Variants in UNC13C observed in about 807,000 individuals in gnomAD.
UNC13C encodes protein unc-13 homolog C.
A neutral mutation model predicts 245.4 loss-of-function variants in UNC13C; 174 were observed. The ratio of observed to expected loss-of-function variants is 0.71; its 90% CI spans 0.63 to 0.80. UNC13C has a LOEUF of 0.80. Ranked by LOEUF, UNC13C falls within the 30% of genes least tolerant of loss-of-function variation. The pLI is 0.00. For synonymous variants in UNC13C, 992 were observed against 895.1 expected, an observed-to-expected ratio of 1.11 and a Z score of -1.93; for missense variants, 2,829 against 2,602.9, an observed-to-expected ratio of 1.09 and a Z score of -1.89.
At chr15:54,193,881 T>A (rs548246045) in intron 4 of UNC13C, among the ~76,000 whole-genome samples, 1 of 152,238 alleles carries the variant, frequency 6.6e-6, no homozygotes, top group African/African-American at 2.4e-5. Flanking sequence ...ATTTTCAAAG[T>A]GACATCTGAA....
the UNC13C span, among the ~76,000 whole-genome samples, chr15:53,924,231 A>C: frequency 7.0e-6 from 1 of 143,186 alleles, no homozygotes. Flanking sequence ...AACAAACAAA[A>C]AACAAAAACA....
chr15:54,545,038 C>T (rs1490735473), intron 26 of UNC13C, among the ~76,000 whole-genome samples: 1 of 152,286 alleles, frequency 6.6e-6, no homozygotes, highest in East Asian at 1.9e-4. Context: ...TGCTACCTGA[C>T]TTCAAACTAA....
At chr15:54,127,850 G>C (rs2141208118) in intron 2 of UNC13C, among the ~76,000 whole-genome samples, 1 of 149,104 alleles carries the variant, frequency 6.7e-6, no homozygotes, top group African/African-American at 2.5e-5. Flanking sequence ...CTTGGGAACT[G>C]GAGCTGGGAC....
At chr15:54,294,605 C>A (rs2037383208) in intron 11 of UNC13C, among the ~76,000 whole-genome samples, 1 of 151,864 alleles carries the variant, frequency 6.6e-6, no homozygotes, top group Non-Finnish European at 1.5e-5. Context: ...TATTATGGAA[C>A]CAGAAATTAA....
At chr15:54,466,780 A>G (rs1469402314) in intron 19 of UNC13C, among the ~76,000 whole-genome samples, 2 of 151,930 alleles carry the variant, frequency 1.3e-5, no homozygotes, top group African/African-American at 2.4e-5. Flanking sequence ...ACAATCAGGT[A>G]TTATTTTAGT....
chr15:54,041,993 C>A (rs745936073), intron 2 of UNC13C, among the ~76,000 whole-genome samples: 1 of 152,136 alleles, frequency 6.6e-6, no homozygotes, highest in African/African-American at 2.4e-5. Flanking sequence ...GGTGCTGAGG[C>A]TTGGCATTCC....
chr15:54,437,497 A>G (rs1890285318), intron 19 of UNC13C, among the ~76,000 whole-genome samples: 1 of 151,796 alleles, frequency 6.6e-6, no homozygotes. Context: ...CCTTCCTTAG[A>G]TCTATCTAGT....
chr15:54,034,400 T>C (rs541157826), intron 2 of UNC13C, among the ~76,000 whole-genome samples: 1 of 152,266 alleles, frequency 6.6e-6, no homozygotes, highest in South Asian at 2.1e-4. Context: ...TTTGTTCCCT[T>C]ACCTTATCTT....
chr15:54,363,908 T>G (rs1465596863), intron 17 of UNC13C, among the ~76,000 whole-genome samples: 1 of 152,152 alleles, frequency 6.6e-6, no homozygotes, highest in Non-Finnish European at 1.5e-5. Flanking sequence ...TGTTAAAAAG[T>G]AAGGGGAACT....
At chr15:53,886,942 A>G in the UNC13C span, among the ~76,000 whole-genome samples, 72 of 152,262 alleles carry the variant, frequency 4.7e-4, no homozygotes, top group African/African-American at 1.4e-3. Flanking sequence ...AAACATTTCA[A>G]GGTCATCAAA....
At position 54,494,933 on chromosome 15, in the gene UNC13C, C is replaced by T. The variant is rs1045895334; in HGVS notation, c.5060+199C>T. 1.1e-4 allele frequency among the ~76,000 whole-genome samples: 16 copies of T among 151,948 alleles called. 1 individual carries two copies. The East Asian group carries it at 1.2e-3, about 11-fold the overall frequency. The stretch of plus-strand genomic sequence containing the variant: ...TGAATTGTGTTGCATATTTCAAATA[C>T]GCCCTACCTGGATATTCAACTCAAA... On this transcript the variant is annotated intron_variant, in intron 20 of 32. Coordinates refer to ENST00000260323, the MANE Select transcript of UNC13C (RefSeq NM_001080534.3).
intron 26 of UNC13C, among the ~76,000 whole-genome samples, chr15:54,544,709 A>C (rs1896408909): frequency 6.6e-6 from 1 of 152,192 alleles, no homozygotes; most frequent in African/African-American, 2.4e-5. Flanking sequence ...TGCTACAAAG[A>C]GAATAAAATA....
rs142128117 is a variant in UNC13C, at chr15:54,210,081, G to C, written c.3072-24949G>C. 4.0e-3 allele frequency among the ~76,000 whole-genome samples: 606 copies of C among 150,994 alleles called. 7 individuals are homozygous for C. Among genetic ancestry groups the C allele is most frequent in the African/African-American group, 0.014 (584 of 41,202 alleles). On this transcript the variant is annotated intron_variant, in intron 4 of 32. Coordinates refer to ENST00000260323, the MANE Select transcript of UNC13C (RefSeq NM_001080534.3). ...TATATGTTAGAAATAATTCCTACTTGAAAAGTTATTGTCAGAGTTACAAAG... is the reference window on the plus strand; with the variant it reads ...TATATGTTAGAAATAATTCCTACTTCAAAAGTTATTGTCAGAGTTACAAAG...
intron 4 of UNC13C, among the ~76,000 whole-genome samples, chr15:54,170,037 T>G (rs117299808): frequency 0.013 from 1,910 of 150,682 alleles, 17 homozygotes; most frequent in Non-Finnish European, 0.019. Flanking sequence ...AAACCTATCA[T>G]GTACAGGGTA....
At chr15:53,999,131 G>A (rs1425233401) in intron 1 of UNC13C, among the ~76,000 whole-genome samples, 1 of 151,908 alleles carries the variant, frequency 6.6e-6, no homozygotes, top group Non-Finnish European at 1.5e-5. Context: ...ATTGGACAGT[G>A]TTCTTTCCTC....
intron 23 of UNC13C, among the ~76,000 whole-genome samples, chr15:54,509,026 C>A (rs1785274051): frequency 6.6e-6 from 1 of 152,064 alleles, no homozygotes; most frequent in South Asian, 2.1e-4. Context: ...ATGGTGAAAC[C>A]CTGTCTCTAC....
At chr15:54,437,032 C>T (rs373459905) in intron 19 of UNC13C, among the ~76,000 whole-genome samples, 1 of 151,886 alleles carries the variant, frequency 6.6e-6, no homozygotes, top group Non-Finnish European at 1.5e-5. Flanking sequence ...ATTTACATTT[C>T]TCTGATGGCT....
chr15:53,895,542 T>A, the UNC13C span, among the ~76,000 whole-genome samples: 7 of 152,106 alleles, frequency 4.6e-5, no homozygotes, highest in African/African-American at 1.7e-4. Flanking sequence ...TTAATAAACA[T>A]AATTAAAAGA....
At chr15:54,632,363 C>A (rs1206188132), downstream of UNC13C, 1 of 152,092 alleles carries the variant, frequency 6.6e-6, no homozygotes. Flanking sequence ...ATCATTTTTT[C>A]TCTTTTATAG....
Sources: gnomAD v4.1 joint callset for allele counts (sites outside exome capture counted in the v4.1 genomes callset) on GRCh38, gnomAD v4.1.1 for gene constraint, MANE v1.5 for transcripts, NCBI Gene and HGNC (gene_info 2026-07-23, HGNC 2026-07-21) for gene names.